The following SHANK2 variants were observed in gnomAD, a reference collection of about 807,000 sequenced individuals.
SHANK2 encodes SH3 and multiple ankyrin repeat domains 2, also known as SH3 and multiple ankyrin repeat domains protein 2.
Under a neutral mutation model 133.7 loss-of-function variants are expected in SHANK2, and 43 were observed. The ratio of observed to expected loss-of-function variants is 0.32; its 90% CI spans 0.25 to 0.41. SHANK2 has a LOEUF of 0.41. SHANK2 is among the 10% of genes least tolerant of loss of function. The probability of loss-of-function intolerance (pLI) is 1.00; values close to 1 mark genes in which losing one functional copy is unlikely to be tolerated. For missense variants in SHANK2, 1,994 were observed against 2,235.8 expected, an observed-to-expected ratio of 0.89 and a Z score of 2.18; for synonymous variants, 1,017 against 952.8, an observed-to-expected ratio of 1.07 and a Z score of -1.24.
chr11:70,787,743 A>T (rs1947702427), intron 14 of SHANK2, among the ~76,000 whole-genome samples: 1 of 152,114 alleles, frequency 6.6e-6, no homozygotes, highest in African/African-American at 2.4e-5. Context: ...CCTGACTCCA[A>T]GGCCACAAAA....
Position 70,698,771 on chromosome 11 carries a change from G to A in SHANK2, c.1778-8C>T. ...TGCGGTCAGCGCGGGTTTCTGTACA[G>A]AGAGGGAAGAGAAACACCATTCAGA... On this transcript the variant is annotated splice_region_variant and splice_polypyrimidine_tract_variant and intron_variant, in intron 14 of 25. Coordinates refer to ENST00000601538, the MANE Select transcript of SHANK2 (RefSeq NM_012309.5). 1.4e-6 allele frequency: 1 copy of A among 718,572 alleles called. No individual in the cohort carries two copies. Among genetic ancestry groups the A allele is most frequent in the Non-Finnish European group, 2.6e-6 (1 of 385,100 alleles). 44.5% of individuals were successfully genotyped at this position (718,572 alleles called of 1,614,324 possible).
chr11:70,652,034 T>C (rs2061344910), intron 17 of SHANK2, among the ~76,000 whole-genome samples: 1 of 152,246 alleles, frequency 6.6e-6, no homozygotes, highest in African/African-American at 2.4e-5. Context: ...CAAGGGATGC[T>C]GGCACCAGGC....
chr11:70,543,912 C>T (rs959641985), intron 17 of SHANK2, among the ~76,000 whole-genome samples: 5 of 152,190 alleles, frequency 3.3e-5, no homozygotes, highest in Admixed American at 6.5e-5. Context: ...CCGAGGGAAC[C>T]GATTGCTTGC....
intron 11 of SHANK2, chr11:70,826,772 G>T (rs1163341663): frequency 3.3e-6 from 1 of 301,856 alleles, no homozygotes; most frequent in Non-Finnish European, 6.6e-6. Context: ...CTCGCGGCGC[G>T]CGTCATGTGA....
At chr11:71,073,879 T>G (rs1430079644) in intron 9 of SHANK2, among the ~76,000 whole-genome samples, 1 of 152,126 alleles carries the variant, frequency 6.6e-6, no homozygotes, top group Non-Finnish European at 1.5e-5. Flanking sequence ...GATCTGCCCC[T>G]CTCCATGTTC....
intron 1 of SHANK2, among the ~76,000 whole-genome samples, chr11:71,244,924 G>C (rs189963733): frequency 2.6e-4 from 40 of 152,082 alleles, no homozygotes; most frequent in Admixed American, 4.6e-4. Context: ...GGCTGGTCTC[G>C]AACTCCTGAC....
At chr11:70,505,049 T>C (rs561582989) in intron 17 of SHANK2, among the ~76,000 whole-genome samples, 2 of 152,270 alleles carry the variant, frequency 1.3e-5, no homozygotes, top group Non-Finnish European at 2.9e-5. Flanking sequence ...CAGGGAGTTT[T>C]GGCCGACACA....
At position 70,624,611 on chromosome 11, in the gene SHANK2, C is replaced by A. The variant is rs540950003; in HGVS notation, c.2061+35217G>T. Among the ~76,000 whole-genome samples the A allele has an allele frequency of 1.9e-3, 286 of 152,248 alleles. 1 individual carries two copies. The highest frequency in any genetic ancestry group is 6.4e-3 in the African/African-American group (265 of 41,550). On this transcript the variant is annotated intron_variant, in intron 17 of 25. Coordinates refer to ENST00000601538, the MANE Select transcript of SHANK2 (RefSeq NM_012309.5). ...CTCAGCCAGGGGTGATGGTGCCCCC[C>A]CAAACCCCAGGGAACCAGAGGAGGA...
intron 9 of SHANK2, among the ~76,000 whole-genome samples, chr11:71,070,230 G>A (rs1951125543): frequency 6.6e-6 from 1 of 152,190 alleles, no homozygotes; most frequent in Admixed American, 6.5e-5. Flanking sequence ...AAAGAGTTTG[G>A]GGAGGGCATG....
At chr11:70,812,432 G>C (rs1301092127) in intron 12 of SHANK2, among the ~76,000 whole-genome samples, 4 of 152,178 alleles carry the variant, frequency 2.6e-5, no homozygotes, top group Non-Finnish European at 5.9e-5. Context: ...GAAAACTTTT[G>C]TCCCCATTTT....
chr11:71,211,873 T>G (rs1555118921), intron 2 of SHANK2, among the ~76,000 whole-genome samples: 1 of 152,234 alleles, frequency 6.6e-6, no homozygotes. Context: ...ATCTCCTCTG[T>G]GCATGGTTCT....
chr11:70,845,497 T>C (rs985493819), intron 11 of SHANK2, among the ~76,000 whole-genome samples: 1 of 152,150 alleles, frequency 6.6e-6, no homozygotes, highest in African/African-American at 2.4e-5. Context: ...AATGTGCTTA[T>C]TGGCCCCGGG....
At chr11:70,744,386 AC>A (rs1555035490) in intron 14 of SHANK2, among the ~76,000 whole-genome samples, 1 of 151,902 alleles carries the variant, frequency 6.6e-6, no homozygotes, top group Non-Finnish European at 1.5e-5. Flanking sequence ...CTCCTTCCTC[AC>A]CTCTAAGCAC....
intron 9 of SHANK2, among the ~76,000 whole-genome samples, chr11:71,072,616 C>G (rs1951158295): frequency 6.6e-6 from 1 of 152,168 alleles, no homozygotes; most frequent in Non-Finnish European, 1.5e-5. Context: ...ATCCACGACA[C>G]TCAAAAGGTG....
intron 2 of SHANK2, among the ~76,000 whole-genome samples, chr11:71,164,878 T>C (rs59052115): frequency 0.25 from 37,817 of 151,886 alleles, 5,107 homozygotes; most frequent in African/African-American, 0.34. Flanking sequence ...TGGGGACGGC[T>C]ATGACTCCAC....
chr11:70,813,330 G>A lies in SHANK2; in HGVS notation c.1494-6159C>T, dbSNP rs185025330. The stretch of plus-strand genomic sequence containing the variant: ...CGGGAAAGGCTCTGCAGGGATGTTC[G>A]GGGAGAAATGGATGCCACACGGCGC... On this transcript the variant is annotated intron_variant, in intron 12 of 25. Transcript: ENST00000601538. 2.0e-5 allele frequency among the ~76,000 whole-genome samples: 3 copies of A among 152,234 alleles called. No individual in the cohort carries two copies. The East Asian group carries it at 5.9e-4, about 30-fold the overall frequency.
chr11:70,564,138 C>G (rs10899174), intron 17 of SHANK2, among the ~76,000 whole-genome samples: 145,156 of 152,270 alleles, frequency 0.95, 69,583 homozygotes, highest in East Asian at 1. Context: ...GTTTTTGTTT[C>G]TTTTTCTCTC....
intron 2 of SHANK2, among the ~76,000 whole-genome samples, chr11:71,197,345 A>G (rs994848316): frequency 6.6e-6 from 1 of 152,238 alleles, no homozygotes; most frequent in Non-Finnish European, 1.5e-5. Context: ...CATGTGCTAC[A>G]GCCTGTGCCA....
chr11:71,205,996 T>A (rs1195309778), intron 2 of SHANK2, among the ~76,000 whole-genome samples: 1 of 152,090 alleles, frequency 6.6e-6, no homozygotes, highest in Non-Finnish European at 1.5e-5. Flanking sequence ...ATCGGCCCCA[T>A]CCCCATCCAG....
Sources: allele counts gnomAD v4.1 joint callset (sites outside exome capture counted in the v4.1 genomes callset), GRCh38; gene constraint gnomAD v4.1.1; transcripts MANE v1.5; gene names NCBI Gene and HGNC (gene_info 2026-07-23, HGNC 2026-07-21).